Variants in BMPR1B observed in about 807,000 individuals in gnomAD.
BMPR1B encodes the protein bone morphogenetic protein receptor type 1B.
Under a neutral mutation model 59.1 loss-of-function variants are expected in BMPR1B, and 12 were observed. That is an observed-to-expected ratio of 0.20 (90% CI 0.13 to 0.33). BMPR1B has a LOEUF of 0.33. BMPR1B is among the 10% of genes least tolerant of loss of function. The probability of loss-of-function intolerance (pLI) is 1.00; values close to 1 mark genes in which losing one functional copy is unlikely to be tolerated. For missense variants in BMPR1B, 550 were observed against 610.9 expected (o/e 0.90, Z 1.05); for synonymous variants, 237 against 207.3 (o/e 1.14, Z -1.23).
chr4:95,000,188 C>T (rs936159283), intron 3 of BMPR1B, among the ~76,000 whole-genome samples: 5 of 152,052 alleles, frequency 3.3e-5, no homozygotes, highest in Non-Finnish European at 7.3e-5. Context: ...ACTATTTAAA[C>T]CTTATAAACA....
intron 6 of BMPR1B, among the ~76,000 whole-genome samples, chr4:95,118,317 CTT>C (rs533800761): frequency 1.4e-5 from 2 of 145,122 alleles, no homozygotes; most frequent in Non-Finnish European, 1.5e-5. Context: ...AGAGCTGCTG[CTT>C]TTTTTTTTTG....
intron 3 of BMPR1B, among the ~76,000 whole-genome samples, chr4:95,006,177 G>A (rs561500273): frequency 2.0e-5 from 3 of 152,008 alleles, no homozygotes; most frequent in South Asian, 4.2e-4. Context: ...AGGCTGAGGC[G>A]GGAGTATCCT....
intron 2 of BMPR1B, among the ~76,000 whole-genome samples, chr4:94,957,108 G>A (rs906752385): frequency 6.6e-6 from 1 of 152,122 alleles, no homozygotes; most frequent in Non-Finnish European, 1.5e-5. Context: ...TCCTCTAATT[G>A]GGGCCATATT....
chr4:95,130,148 G>T (rs1292171107), intron 9 of BMPR1B, 94 bp downstream of exon 9: 2 of 1,438,330 alleles, frequency 1.4e-6, no homozygotes, highest in Non-Finnish European at 1.9e-6. Context: ...GTCTAGACCC[G>T]TTGCGAAATG....
chr4:94,838,931 A>G (rs988914745), intron 1 of BMPR1B, among the ~76,000 whole-genome samples: 1 of 139,192 alleles, frequency 7.2e-6, no homozygotes, highest in Non-Finnish European at 1.6e-5. Context: ...ACTGCTTTGA[A>G]TGCGTCCCAG....
rs151289886 is a variant in BMPR1B, at chr4:95,115,728, C to G, written c.290C>G (p.Thr97Arg). ...CAAAGAAGATCAATTGAATGCTGCA[C>G]AGAAAGGAACGAATGTAATAAAGAC... is the stretch of plus-strand genomic sequence containing the variant. ...PHQRRSIECC[T>R]ERNECNKDLH... The change falls in exon 6 of 13, where the codon ACA (threonine) becomes AGA (arginine). Residue 97 changes from threonine (T) to arginine (R), a missense_variant. Coordinates refer to ENST00000515059, the MANE Select transcript of BMPR1B (RefSeq NM_001203.3). The G allele has an allele frequency of 1.4e-5, 22 of 1,613,512 alleles. No individual in the cohort carries two copies. Among genetic ancestry groups the G allele is most frequent in the South Asian group, 3.3e-5 (3 of 91,078 alleles).
chr4:94,821,550 C>T (rs1442456670), intron 1 of BMPR1B, among the ~76,000 whole-genome samples: 1 of 151,988 alleles, frequency 6.6e-6, no homozygotes, highest in Non-Finnish European at 1.5e-5. Flanking sequence ...TGGTTCCTGC[C>T]TCTAAGGATC....
rs546068856 is a variant in BMPR1B, at chr4:95,012,039, CAAA to C, written c.-18+15915_-18+15917del. Among the ~76,000 whole-genome samples the C allele has an allele frequency of 2.1e-3, 295 of 139,954 alleles. 1 individual carries two copies. The Middle Eastern group carries it at 0.025, about 12-fold the overall frequency. 91.8% of individuals were successfully genotyped at this position (139,954 alleles called of 152,430 possible). On this transcript the variant is annotated intron_variant, in intron 3 of 12. Transcript: ENST00000515059. The stretch of plus-strand genomic sequence containing the variant: ...GTGTCAAAAACAACAACAACAACAA[CAAA>C]AAAAAAAAAGAAAGAAAAAGAAAAG...
intron 2 of BMPR1B, among the ~76,000 whole-genome samples, chr4:94,906,810 T>C (rs1252733466): frequency 1.3e-5 from 2 of 152,088 alleles, no homozygotes; most frequent in Non-Finnish European, 2.9e-5. Flanking sequence ...TTGAAAACTA[T>C]AGTTTTTATA....
At chr4:95,105,970 G>A (rs1003495759) in intron 4 of BMPR1B, among the ~76,000 whole-genome samples, 1 of 151,964 alleles carries the variant, frequency 6.6e-6, no homozygotes. Context: ...CTATTGTCCT[G>A]GTGATCAGGA....
At chr4:95,115,849 A>G in intron 6 of BMPR1B, 62 bp downstream of exon 6, 1 of 1,436,224 alleles carries the variant, frequency 7.0e-7, no homozygotes, top group Non-Finnish European at 9.8e-7. Context: ...AAAACTAAAA[A>G]CTAGAATCGT....
At chr4:94,855,403 G>A (rs961092497) in intron 1 of BMPR1B, among the ~76,000 whole-genome samples, 31 of 152,074 alleles carry the variant, frequency 2.0e-4, no homozygotes, top group African/African-American at 7.0e-4. Context: ...CAGGTTTCTC[G>A]GACTCTACAG....
chr4:94,909,400 T>G (rs1294684850), intron 2 of BMPR1B, among the ~76,000 whole-genome samples: 1 of 151,940 alleles, frequency 6.6e-6, no homozygotes, highest in African/African-American at 2.4e-5. Flanking sequence ...ATTGCCAGAC[T>G]CTGCTGCTTG....
chr4:94,871,855 G>C (rs1320411861), intron 1 of BMPR1B, among the ~76,000 whole-genome samples: 1 of 152,100 alleles, frequency 6.6e-6, no homozygotes, highest in Non-Finnish European at 1.5e-5. Flanking sequence ...TGTATGCATT[G>C]CTGAAATACC....
chr4:94,868,128 G>A (rs532430587), intron 1 of BMPR1B, among the ~76,000 whole-genome samples: 39 of 151,810 alleles, frequency 2.6e-4, no homozygotes, highest in African/African-American at 8.9e-4. Flanking sequence ...CTCCCAAAGT[G>A]CTGGGATTAC....
At chr4:94,922,831 C>A (rs553203187) in intron 2 of BMPR1B, among the ~76,000 whole-genome samples, 1 of 152,216 alleles carries the variant, frequency 6.6e-6, no homozygotes, top group East Asian at 1.9e-4. Flanking sequence ...AATACCTTTA[C>A]ACCCTCTATA....
chr4:94,847,916 A>G (rs555861630), intron 1 of BMPR1B, among the ~76,000 whole-genome samples: 80 of 152,260 alleles, frequency 5.3e-4, no homozygotes, highest in African/African-American at 1.9e-3. Flanking sequence ...AAACTAAAAG[A>G]GTATAATTGG....
chr4:94,821,677 A>G (rs1305711271), intron 1 of BMPR1B, among the ~76,000 whole-genome samples: 1 of 152,188 alleles, frequency 6.6e-6, no homozygotes, highest in Non-Finnish European at 1.5e-5. Flanking sequence ...TAGGTACTGG[A>G]GATATGGGAG....
rs565312848 is a variant in BMPR1B at position 94,769,023 on chromosome 4, A to G, written c.-183+10955A>G. ...CTTTTATTTGAAATTTCATGTGTTT[A>G]TACTTGTGGTTTGAAAGCTGTTATG... On this transcript the variant is annotated intron_variant, in intron 1 of 12. Transcript: ENST00000515059. 3.9e-5 allele frequency among the ~76,000 whole-genome samples: 6 copies of G among 152,254 alleles called. No homozygotes were observed. The East Asian group carries it at 1.2e-3, about 29-fold the overall frequency.
Sources: allele counts gnomAD v4.1 joint callset (sites outside exome capture counted in the v4.1 genomes callset), GRCh38; gene constraint gnomAD v4.1.1; transcripts MANE v1.5; gene names NCBI Gene and HGNC (gene_info 2026-07-23, HGNC 2026-07-21).